MOB1A: variants seen among roughly 807,000 people sequenced by gnomAD.
MOB1A encodes the protein MOB1 Mps One Binder homolog A.
MOB1A carries 10 observed loss-of-function variants against 25.1 expected under a neutral mutation model. That is an observed-to-expected ratio of 0.40 (90% CI 0.25 to 0.68). The LOEUF (loss-of-function observed/expected upper bound fraction) is 0.68. MOB1A is among the 30% of genes least tolerant of loss of function. MOB1A has a pLI of 0.40. For missense variants in MOB1A, 177 were observed against 256.3 expected, an observed-to-expected ratio of 0.69 and a Z score of 2.11; for synonymous variants, 81 against 79.5, an observed-to-expected ratio of 1.02 and a Z score of -0.10.
intron 5 of MOB1A, 34 bp from the exon 6 acceptor site, chr2:74,156,679 G>A: frequency 1.4e-6 from 2 of 1,445,468 alleles, no homozygotes; most frequent in Non-Finnish European, 1.9e-6. Context: ...ATTAAAAATG[G>A]ATCTAAAACT....
intron 4 of MOB1A, among the ~76,000 whole-genome samples, chr2:74,159,829 A>ACT (rs1692914539): frequency 1.1e-5 from 1 of 91,574 alleles, no homozygotes; most frequent in Admixed American, 1.0e-4. Flanking sequence ...CCCCCCCCCC[A>ACT]CCCCGGAGAC....
intron 1 of MOB1A, among the ~76,000 whole-genome samples, chr2:74,174,144 G>A (rs13385457): frequency 1.3e-5 from 2 of 150,968 alleles, no homozygotes; most frequent in African/African-American, 2.4e-5. Context: ...GGTGGCACAC[G>A]CCTGTAGTCC....
chr2:74,156,409 C>G lies in MOB1A; in HGVS notation c.*159G>C. 1 of 666,868 alleles carries G rather than the reference C, an allele frequency of 1.5e-6. No homozygotes were observed. Among genetic ancestry groups the G allele is most frequent in the Non-Finnish European group, 2.6e-6 (1 of 380,568 alleles). 41.3% of individuals were successfully genotyped at this position (666,868 alleles called of 1,614,324 possible). ...AAGGTCTTACTCGGAAACTATCACA[C>G]CAACCTACCTTTGGGATAATTTTAT... On this transcript the variant is annotated 3_prime_UTR_variant, in exon 6 of 6. Transcript: ENST00000396049.
In MOB1A at chr2:74,155,813, A is replaced by G. The variant is rs1480857540; in HGVS notation, c.*755T>C. ...TAAGCTTTTCAGTTTAAAAGCCTGG[A>G]AGACCATCCTTAGAAGACATTAAAA... On this transcript the variant is annotated 3_prime_UTR_variant, in exon 6 of 6. Transcript: ENST00000396049. 6.6e-6 allele frequency: 1 copy of G among 152,396 alleles called. No homozygotes were observed. The highest frequency in any genetic ancestry group is 1.5e-5 in the Non-Finnish European group (1 of 67,974). The allele number at this position is 152,396 out of a possible 1,614,324, so 9.4% of individuals were successfully genotyped here. A position where few individuals can be genotyped will look rare whatever the true frequency, so the allele number is the denominator to read the frequency against.
Position 74,177,003 on chromosome 2 carries a change from T to C in MOB1A, c.14+1658A>G, listed in dbSNP as rs528453443. On this transcript the variant is annotated intron_variant, in intron 1 of 5. Transcript: ENST00000396049. Reference sequence around the variant, plus strand: ...CATATGTTCACAGCAGCATTATTCATAATGGCCAAAAAGCGGGAACAACTC... The same window carrying C: ...CATATGTTCACAGCAGCATTATTCACAATGGCCAAAAAGCGGGAACAACTC... Among the ~76,000 whole-genome samples, 3 of 152,230 alleles carry C rather than the reference T, an allele frequency of 2.0e-5. No individual in the cohort carries two copies. In the East Asian group the frequency reaches 5.8e-4, roughly 29 times the overall value.
intron 2 of MOB1A, among the ~76,000 whole-genome samples, chr2:74,167,682 A>T (rs1217771838): frequency 6.6e-6 from 1 of 152,186 alleles, no homozygotes; most frequent in Non-Finnish European, 1.5e-5. Context: ...ACTGTGAGGG[A>T]GAAGGTGCAC....
At position 74,152,809 on chromosome 2, in the gene MOB1A, T is replaced by C. The variant is rs1692693533; in HGVS notation, c.*3759A>G. On this transcript the variant is annotated 3_prime_UTR_variant, in exon 6 of 6. Coordinates refer to ENST00000396049, the MANE Select transcript of MOB1A (RefSeq NM_018221.5). ...CTATTTTTGATGTAGAATAGAATGC[T>C]GTTCTATAATAAGAAGTCTGTAGCA... 1.3e-5 allele frequency: 2 copies of C among 152,218 alleles called. No individual in the cohort carries two copies. The allele number at this position is 152,218 out of a possible 1,614,324, so 9.4% of individuals were successfully genotyped here.
intron 1 of MOB1A, chr2:74,178,388 G>T (rs1361477700): frequency 3.2e-6 from 1 of 308,752 alleles, no homozygotes; most frequent in Non-Finnish European, 5.9e-6. Flanking sequence ...CCCGCCCTCG[G>T]GGGCGCTCGG....
chr2:74,156,583 TC>T lies in MOB1A; in HGVS notation c.635del (p.Gly212AspfsTer10). On this transcript the variant is annotated frameshift_variant, in exon 6 of 6. Coordinates refer to ENST00000396049, the MANE Select transcript of MOB1A (RefSeq NM_018221.5). LOFTEE classifies it high-confidence loss of function. ...APLQELIEKL[G>X]SKDR ...GAAGAAACATTTATCTGTCTTTTGA[TC>T]CAAGTTTCTCTATTAATTCTTGAAG... 6.4e-7 allele frequency: 1 copy of T among 1,553,708 alleles called. No individual in the cohort carries two copies. The highest frequency in any genetic ancestry group is 1.7e-4 in the Middle Eastern group (1 of 5,992).
intron 1 of MOB1A, chr2:74,173,128 T>C: frequency 2.0e-6 from 1 of 497,726 alleles, no homozygotes; most frequent in Non-Finnish European, 4.0e-6. Context: ...AGAGCAAGAC[T>C]CAGTCTCAAA....
intron 2 of MOB1A, among the ~76,000 whole-genome samples, chr2:74,168,464 A>G (rs1240116811): frequency 1.3e-5 from 2 of 152,060 alleles, no homozygotes; most frequent in East Asian, 3.8e-4. Flanking sequence ...ACACAGCTAG[A>G]CCCCGGTCTC....
At chr2:74,169,304 A>C (rs57242561) in intron 2 of MOB1A, among the ~76,000 whole-genome samples, 7,016 of 152,092 alleles carry the variant, frequency 0.046, 538 homozygotes, top group African/African-American at 0.16. Flanking sequence ...GAGTTCTAGA[A>C]CAACCTGGCC....
At chr2:74,176,763 CA>C (rs754041457) in intron 1 of MOB1A, among the ~76,000 whole-genome samples, 275 of 88,812 alleles carry the variant, frequency 3.1e-3, no homozygotes, top group Admixed American at 2.5e-3. Flanking sequence ...GACTCTGTCT[CA>C]AAAAAAAAAA....
At chr2:74,156,708 T>C in intron 5 of MOB1A, 63 bp from the exon 6 acceptor site, 4 of 1,206,290 alleles carry the variant, frequency 3.3e-6, no homozygotes, top group Middle Eastern at 1.9e-4. Flanking sequence ...GTAAATGTCT[T>C]TTGGAGAAGG....
chr2:74,157,811 C>A (rs2103688422), intron 5 of MOB1A, among the ~76,000 whole-genome samples: 1 of 152,174 alleles, frequency 6.6e-6, no homozygotes, highest in African/African-American at 2.4e-5. Context: ...AAAGAACCAA[C>A]TCTAGGTATC....
At chr2:74,173,014 T>C (rs2103739323) in intron 1 of MOB1A, among the ~76,000 whole-genome samples, 1 of 152,190 alleles carries the variant, frequency 6.6e-6, no homozygotes, top group Non-Finnish European at 1.5e-5. Flanking sequence ...CGCACACCTG[T>C]AGTCCCAGCT....
At chr2:74,162,398 T>C (rs1048985188) in intron 4 of MOB1A, among the ~76,000 whole-genome samples, 12 of 151,970 alleles carry the variant, frequency 7.9e-5, no homozygotes, top group African/African-American at 2.7e-4. Flanking sequence ...CGAGAATCGC[T>C]TCAACCCAGG....
intron 5 of MOB1A, 143 bp from the exon 6 acceptor site, chr2:74,156,788 G>T: frequency 6.4e-6 from 4 of 627,462 alleles, no homozygotes; most frequent in Admixed American, 3.0e-5. Flanking sequence ...TTTAAAGTAG[G>T]CATTTATTCT....
chr2:74,178,753 C>T lies in MOB1A; in HGVS notation c.-79G>A, dbSNP rs113553329. Reference sequence around the variant, plus strand: ...TTCGGAGCTGGCTAGAGGGAGCGGACCGTCCTTAGCTCACGGGCAGCGGAA... The same window carrying T: ...TTCGGAGCTGGCTAGAGGGAGCGGATCGTCCTTAGCTCACGGGCAGCGGAA... On this transcript the variant is annotated 5_prime_UTR_variant, in exon 1 of 6. Coordinates refer to ENST00000396049, the MANE Select transcript of MOB1A (RefSeq NM_018221.5). 9.4e-4 allele frequency: 708 copies of T among 751,246 alleles called. No individual in the cohort carries two copies. The highest frequency in any genetic ancestry group is 1.2e-3 in the Non-Finnish European group (654 of 542,322). The allele number at this position is 751,246 out of a possible 1,614,324, so 46.5% of individuals were successfully genotyped here.
Sources: gnomAD v4.1 joint callset for allele counts (sites outside exome capture counted in the v4.1 genomes callset) on GRCh38, gnomAD v4.1.1 for gene constraint, MANE v1.5 for transcripts, NCBI Gene and HGNC (gene_info 2026-07-23, HGNC 2026-07-21) for gene names.